The following ATP10B variants were observed in gnomAD, a reference collection of about 807,000 sequenced individuals.
ATP10B encodes ATPase phospholipid transporting 10B (putative).
In ATP10B, 122 loss-of-function variants were observed where a neutral mutation model predicts 141.2. The ratio of observed to expected loss-of-function variants is 0.86; its 90% confidence interval spans 0.75 to 1.00. The LOEUF (loss-of-function observed/expected upper bound fraction) is 1.00. Ranked by LOEUF, ATP10B falls within the 50% of genes least tolerant of loss-of-function variation. The probability of loss-of-function intolerance (pLI) is 0.00; values close to 1 mark genes in which losing one functional copy is unlikely to be tolerated. For synonymous variants in ATP10B, 685 were observed against 692.0 expected, an observed-to-expected ratio of 0.99 and a Z score of 0.16; for missense variants, 1,876 against 1,825.3, an observed-to-expected ratio of 1.03 and a Z score of -0.51.
chr5:160,775,676 A>ATTTTTT (rs10642787), intron 2 of ATP10B, among the ~76,000 whole-genome samples: 12 of 116,814 alleles, frequency 1.0e-4, no homozygotes, highest in Non-Finnish European at 1.4e-4. Flanking sequence ...CAAGTTTCAG[A>ATTTTTT]TTTTTTTTTT....
At chr5:160,899,780 G>A in the ATP10B span, among the ~76,000 whole-genome samples, 48 of 152,110 alleles carry the variant, frequency 3.2e-4, no homozygotes, top group African/African-American at 1.0e-3. Flanking sequence ...TCTCTGGCTG[G>A]GAGGCTCAGG....
chr5:160,926,557 AACAG>A, the ATP10B span, among the ~76,000 whole-genome samples: 3 of 152,262 alleles, frequency 2.0e-5, no homozygotes, highest in African/African-American at 7.2e-5. Context: ...TCTTAAATCA[AACAG>A]ACAGGGCTGG....
At chr5:160,657,844 A>G (rs1279063770) in intron 7 of ATP10B, among the ~76,000 whole-genome samples, 1 of 152,238 alleles carries the variant, frequency 6.6e-6, no homozygotes, top group Admixed American at 6.5e-5. Context: ...GGCAGATAGA[A>G]GGCTTTTAAT....
chr5:160,565,690 C>T lies in ATP10B; in HGVS notation c.4149G>A (p.Lys1383=), dbSNP rs4921302. 0.091 allele frequency: 146,725 copies of T among 1,613,898 alleles called. 7,508 individuals carry two copies. The highest frequency in any genetic ancestry group is 0.14 in the South Asian group (12,645 of 91,072). Residue 1383 remains lysine (K), a synonymous_variant, in exon 26 of 26, where the codon AAG becomes AAA. Transcript: ENST00000327245. ...TGQDFSASTP[K]SSNPPKRKHV... ...GCTTCCTCTTGGGAGGGTTAGAGCT[C>T]TTTGGGGTGCTGGCACTGAAGTCCT...
At chr5:160,619,693 A>G (rs1758215266) in intron 15 of ATP10B, among the ~76,000 whole-genome samples, 1 of 152,134 alleles carries the variant, frequency 6.6e-6, no homozygotes, top group Non-Finnish European at 1.5e-5. Context: ...GCGGCTGCAC[A>G]CTAATTCATG....
intron 24 of ATP10B, among the ~76,000 whole-genome samples, chr5:160,574,801 C>CTTT (rs35450287): frequency 0.68 from 95,984 of 140,656 alleles, 33,289 homozygotes; most frequent in East Asian, 0.81. Context: ...CAGCATTCAT[C>CTTT]TTTTTTTTTT....
At chr5:160,875,490 C>A in the ATP10B span, among the ~76,000 whole-genome samples, 5,552 of 67,512 alleles carry the variant, frequency 0.082, 138 homozygotes, top group Middle Eastern at 0.19. Flanking sequence ...CGAGCAAAAT[C>A]ACCAGCTAAC....
intron 2 of ATP10B, among the ~76,000 whole-genome samples, chr5:160,748,368 T>G (rs1173893384): frequency 2.0e-5 from 3 of 152,212 alleles, no homozygotes; most frequent in Non-Finnish European, 4.4e-5. Flanking sequence ...CCTCATTGCT[T>G]AATCTATCCA....
the ATP10B span, among the ~76,000 whole-genome samples, chr5:160,924,530 C>G: frequency 6.6e-6 from 1 of 152,158 alleles, no homozygotes; most frequent in African/African-American, 2.4e-5. Flanking sequence ...GTGTTTGGTG[C>G]AGACAGCAGA....
chr5:160,599,003 G>A (rs759252566), intron 21 of ATP10B, 33 bp from the exon 22 acceptor site: 3 of 1,605,264 alleles, frequency 1.9e-6, no homozygotes, highest in Non-Finnish European at 2.6e-6. Flanking sequence ...TGTGAGTGGG[G>A]CTCCATGTGC....
At chr5:160,577,824 T>C (rs1755294805) in intron 24 of ATP10B, among the ~76,000 whole-genome samples, 1 of 152,158 alleles carries the variant, frequency 6.6e-6, no homozygotes, top group South Asian at 2.1e-4. Context: ...TCAAATTCCT[T>C]TGTGATTTAG....
chr5:160,760,081 T>C (rs1476164715), intron 2 of ATP10B, among the ~76,000 whole-genome samples: 2 of 152,210 alleles, frequency 1.3e-5, no homozygotes, highest in Non-Finnish European at 2.9e-5. Context: ...CCAAGAGTTT[T>C]GGAATATGGC....
At chr5:160,817,004 A>C (rs1178274034) in intron 1 of ATP10B, among the ~76,000 whole-genome samples, 1 of 152,230 alleles carries the variant, frequency 6.6e-6, no homozygotes, top group Non-Finnish European at 1.5e-5. Flanking sequence ...GACGTATATC[A>C]AAATGATAAA....
chr5:160,857,476 A>C, the ATP10B span, among the ~76,000 whole-genome samples: 1 of 151,764 alleles, frequency 6.6e-6, no homozygotes, highest in Non-Finnish European at 1.5e-5. Flanking sequence ...TTTTAAAAGA[A>C]CCAGCTCTTT....
intron 2 of ATP10B, among the ~76,000 whole-genome samples, chr5:160,764,296 G>C (rs1394622567): frequency 1.3e-5 from 2 of 152,000 alleles, no homozygotes; most frequent in African/African-American, 2.4e-5. Context: ...GATGAACATA[G>C]ACGCAAAAAT....
chr5:160,762,718 A>G (rs969446225), intron 2 of ATP10B, among the ~76,000 whole-genome samples: 5 of 152,152 alleles, frequency 3.3e-5, no homozygotes, highest in Non-Finnish European at 7.4e-5. Context: ...CTCACATCTC[A>G]ATACTAATGT....
At chr5:160,900,486 C>T in the ATP10B span, among the ~76,000 whole-genome samples, 24 of 152,160 alleles carry the variant, frequency 1.6e-4, no homozygotes, top group African/African-American at 2.4e-5. Flanking sequence ...CCTCCGTCCC[C>T]TCCAGAGTCT....
At chr5:160,883,806 G>GAAT in the ATP10B span, among the ~76,000 whole-genome samples, 2 of 152,100 alleles carry the variant, frequency 1.3e-5, no homozygotes, top group African/African-American at 4.8e-5. Context: ...GTATTCCGTG[G>GAAT]ACTTTACATT....
intron 1 of ATP10B, among the ~76,000 whole-genome samples, chr5:160,816,508 T>G (rs992810730): frequency 1.7e-4 from 26 of 152,010 alleles, no homozygotes; most frequent in Non-Finnish European, 3.4e-4. Flanking sequence ...AGGCAATAAT[T>G]AATAGCTTAC....
Sources: gnomAD v4.1 joint callset for allele counts (sites outside exome capture counted in the v4.1 genomes callset) on GRCh38, gnomAD v4.1.1 for gene constraint, MANE v1.5 for transcripts, NCBI Gene and HGNC (gene_info 2026-07-23, HGNC 2026-07-21) for gene names.